Variants in IKBKB-DT observed in about 807,000 individuals in gnomAD.
IKBKB-DT encodes IKBKB antisense RNA.
At chr8:42,256,627 G>A (rs911177686) in intron 3 of IKBKB-DT, among the ~76,000 whole-genome samples, 1 of 152,028 alleles carries the variant, frequency 6.6e-6, no homozygotes, top group Non-Finnish European at 1.5e-5. Flanking sequence ...GGGTCATCTA[G>A]TCTGATGTAA....
chr8:42,249,920 TA>T (rs113852079), intron 3 of IKBKB-DT, among the ~76,000 whole-genome samples: 8,656 of 144,500 alleles, frequency 0.06, 748 homozygotes, highest in African/African-American at 0.2. Context: ...TCACTAAAAA[TA>T]AAAAAAAAAA....
At position 42,243,973 on chromosome 8, in the gene IKBKB-DT, G is replaced by A. The variant is rs555206988; in HGVS notation, n.1530-10114C>T. ...AGCAGATGTGGATTAATCTACTGCT[G>A]CCCCATTAGGGAATTCTAATCTAAC... On this transcript the variant is annotated intron_variant and non_coding_transcript_variant, in intron 3 of 3. Transcript: ENST00000518213. 1.3e-3 allele frequency among the ~76,000 whole-genome samples: 194 copies of A among 152,260 alleles called. 1 individual carries two copies. The highest frequency in any genetic ancestry group is 4.2e-3 in the African/African-American group (175 of 41,542).
chr8:42,254,007 C>G (rs1366333964), intron 3 of IKBKB-DT, among the ~76,000 whole-genome samples: 1 of 152,188 alleles, frequency 6.6e-6, no homozygotes, highest in Non-Finnish European at 1.5e-5. Context: ...TTTCTTGGAC[C>G]AGTATAAGCA....
intron 3 of IKBKB-DT, among the ~76,000 whole-genome samples, chr8:42,240,724 C>A (rs887862675): frequency 5.3e-5 from 8 of 150,766 alleles, no homozygotes; most frequent in Non-Finnish European, 1.2e-4. Context: ...TGCCTGTAAT[C>A]CCAGCACTTT....
At chr8:42,266,243 G>T (rs1231145269) in exon 2 of IKBKB-DT, 1 of 152,676 alleles carries the variant, frequency 6.5e-6, no homozygotes, top group Non-Finnish European at 1.5e-5. Context: ...CTGACTATGG[G>T]GGCTGGGGTG....
At chr8:42,257,228 G>A (rs1371199721) in intron 3 of IKBKB-DT, among the ~76,000 whole-genome samples, 2 of 152,148 alleles carry the variant, frequency 1.3e-5, no homozygotes, top group African/African-American at 4.8e-5. Flanking sequence ...ACAAGGCCGG[G>A]TGCAGTGGCT....
chr8:42,240,603 C>T (rs1476136330), intron 3 of IKBKB-DT, among the ~76,000 whole-genome samples: 21 of 119,612 alleles, frequency 1.8e-4, no homozygotes, highest in Admixed American at 1.3e-3. Context: ...CCAGCCTGAG[C>T]GACAGAGCAA....
In IKBKB-DT at chr8:42,257,483, G is replaced by A. The variant is rs1011061715; in HGVS notation, n.1529+5846C>T. Among the ~76,000 whole-genome samples, 5 of 149,304 alleles carry A rather than the reference G, an allele frequency of 3.3e-5. No homozygotes were observed. The Admixed American group carries it at 3.4e-4, about 10-fold the overall frequency. On this transcript the variant is annotated intron_variant and non_coding_transcript_variant, in intron 3 of 3. Coordinates refer to ENST00000518213, the Ensembl canonical transcript of IKBKB-DT. ...GCCACTGCACTCCAGCCTGGCAACA[G>A]AGCGAGACTCCATCTCAAAAAAAAA...
At chr8:42,236,582 T>C (rs1806924240) in intron 3 of IKBKB-DT, among the ~76,000 whole-genome samples, 1 of 152,146 alleles carries the variant, frequency 6.6e-6, no homozygotes, top group Non-Finnish European at 1.5e-5. Flanking sequence ...CTGACCAACA[T>C]GGAGAAACCT....
chr8:42,260,046 T>G (rs59810502), intron 3 of IKBKB-DT, among the ~76,000 whole-genome samples: 11,714 of 138,656 alleles, frequency 0.084, 1,185 homozygotes, highest in African/African-American at 0.25. Context: ...GGAGAGAAGA[T>G]GAGAGAAGGA....
Position 42,245,155 on chromosome 8 carries a change from T to C in IKBKB-DT, n.1530-11296A>G, listed in dbSNP as rs537933457. ...CTGCAGTCCCAGCTACTCAGGAGGC[T>C]GAGGCAGGGGAATCGCTTGAACCCA... On this transcript the variant is annotated intron_variant and non_coding_transcript_variant, in intron 3 of 3. Transcript: ENST00000518213. Among the ~76,000 whole-genome samples, 6 of 152,134 alleles carry C rather than the reference T, an allele frequency of 3.9e-5. No individual in the cohort carries two copies. In the South Asian group the frequency reaches 1.2e-3, roughly 32 times the overall value.
intron 2 of IKBKB-DT, among the ~76,000 whole-genome samples, chr8:42,264,520 A>G (rs1807344088): frequency 6.6e-6 from 1 of 152,212 alleles, no homozygotes; most frequent in Admixed American, 6.5e-5. Context: ...TTATAGATGT[A>G]AATTTCCCTT....
rs140563739 is a variant in IKBKB-DT at position 42,242,660 on chromosome 8, G to A, written n.1530-8801C>T. Among the ~76,000 whole-genome samples, 64 of 152,290 alleles carry A rather than the reference G, an allele frequency of 4.2e-4. No homozygotes were observed. In the East Asian group the frequency reaches 0.01, roughly 25 times the overall value. On this transcript the variant is annotated intron_variant and non_coding_transcript_variant, in intron 3 of 3. Coordinates refer to ENST00000518213, the Ensembl canonical transcript of IKBKB-DT. Reference sequence around the variant, plus strand: ...TGACCTCACTTGCTGCAGCATCTGCGGCTGATGCCTACAGTCCTTCCCCGG... The same window carrying A: ...TGACCTCACTTGCTGCAGCATCTGCAGCTGATGCCTACAGTCCTTCCCCGG...
At chr8:42,260,941 G>A (rs1183144622) in intron 3 of IKBKB-DT, among the ~76,000 whole-genome samples, 1 of 152,136 alleles carries the variant, frequency 6.6e-6, no homozygotes, top group African/African-American at 2.4e-5. Context: ...CATAGACTAT[G>A]GGAGCCACTC....
intron 3 of IKBKB-DT, among the ~76,000 whole-genome samples, chr8:42,235,157 T>C (rs929095334): frequency 8.7e-6 from 1 of 115,490 alleles, no homozygotes; most frequent in Admixed American, 7.6e-5. Flanking sequence ...CTTTTTTTTT[T>C]CTAACTCTTT....
intron 1 of IKBKB-DT, among the ~76,000 whole-genome samples, chr8:42,269,046 G>A (rs1807425042): frequency 6.6e-6 from 1 of 151,872 alleles, no homozygotes; most frequent in Non-Finnish European, 1.5e-5. Flanking sequence ...CAGAAGCGGT[G>A]GCTCACACCT....
intron 3 of IKBKB-DT, among the ~76,000 whole-genome samples, chr8:42,238,589 G>A (rs1416081619): frequency 6.6e-6 from 1 of 152,144 alleles, no homozygotes; most frequent in African/African-American, 2.4e-5. Context: ...TCCTTTACTG[G>A]TTAGGAGTCA....
At chr8:42,250,011 G>T (rs1350705734) in intron 3 of IKBKB-DT, among the ~76,000 whole-genome samples, 1 of 152,200 alleles carries the variant, frequency 6.6e-6, no homozygotes, top group African/African-American at 2.4e-5. Context: ...CAAGGCAGGG[G>T]AATTGCAGTG....
At chr8:42,239,614 T>TTTTA (rs1554502579) in intron 3 of IKBKB-DT, among the ~76,000 whole-genome samples, 9 of 19,908 alleles carry the variant, frequency 4.5e-4, no homozygotes, top group Middle Eastern at 0.029. Context: ...AAAAGGCAAT[T>TTTTA]TATATATATA....
Sources: gnomAD v4.1 joint callset for allele counts (sites outside exome capture counted in the v4.1 genomes callset) on GRCh38, gnomAD v4.1.1 for gene constraint, MANE v1.5 for transcripts, NCBI Gene and HGNC (gene_info 2026-07-23, HGNC 2026-07-21) for gene names.